C6orf58: variants seen among roughly 807,000 people sequenced by gnomAD.
C6orf58 encodes protein LEG1 homolog.
Under a neutral mutation model 37.0 loss-of-function variants are expected in C6orf58, and 30 were observed. The ratio of observed to expected loss-of-function variants is 0.81; its 90% CI spans 0.61 to 1.10. The LOEUF (loss-of-function observed/expected upper bound fraction) is 1.10, where lower values mean the gene tolerates loss of function less well. Ranked by LOEUF, C6orf58 falls within the 50% of genes least tolerant of loss-of-function variation. The pLI, the probability that C6orf58 is intolerant of heterozygous loss-of-function variation, is 0.00. For synonymous variants in C6orf58, 143 were observed against 134.1 expected (o/e 1.07, Z -0.46); for missense variants, 368 against 387.5 (o/e 0.95, Z 0.42).
At chr6:127,581,423 G>T in intron 4 of C6orf58, 141 bp downstream of exon 4, 1 of 361,372 alleles carries the variant, frequency 2.8e-6, no homozygotes. Flanking sequence ...TTATAGTGAG[G>T]ATGTGTAAAT....
intron 2 of C6orf58, among the ~76,000 whole-genome samples, chr6:127,579,910 T>A (rs1179956808): frequency 6.6e-6 from 1 of 152,104 alleles, no homozygotes; most frequent in Non-Finnish European, 1.5e-5. Flanking sequence ...AAAACCGTAA[T>A]GAGAGGTTTT....
chr6:127,583,174 G>A (rs77099374), intron 4 of C6orf58, among the ~76,000 whole-genome samples: 2,746 of 152,164 alleles, frequency 0.018, 81 homozygotes, highest in African/African-American at 0.06. Context: ...ATTTAAACAG[G>A]CAATCTGAAT....
At chr6:127,586,117 A>G (rs866898029) in intron 4 of C6orf58, among the ~76,000 whole-genome samples, 4 of 152,302 alleles carry the variant, frequency 2.6e-5, no homozygotes, top group Middle Eastern at 3.4e-3. Context: ...TTGTGCCAGT[A>G]ATCTGTAGAC....
intron 3 of C6orf58, among the ~76,000 whole-genome samples, 157 bp from the exon 4 acceptor site, chr6:127,581,025 A>G (rs1422529003): frequency 6.6e-6 from 1 of 152,096 alleles, no homozygotes; most frequent in Non-Finnish European, 1.5e-5. Flanking sequence ...TTATTTAAAG[A>G]GTGTTAGGCA....
At position 127,577,299 on chromosome 6, in the gene C6orf58, T is replaced by A; in HGVS notation, c.114T>A (p.Gly38=). Residue 38 remains glycine (G), a synonymous_variant, in exon 1 of 6, where the codon GGT becomes GGA. Coordinates refer to ENST00000329722, the MANE Select transcript of C6orf58 (RefSeq NM_001010905.3). The stretch of plus-strand genomic sequence containing the variant: ...CCCCTCTGTGGAAGGAGAGTCCTGG[T>A]CAGCTCAGTGACTACAGGGTGGAGA... The part of the protein sequence containing the change: ...TEPPLWKESP[G]QLSDYRVENS... The A allele has an allele frequency of 6.2e-7, 1 of 1,613,654 alleles. No homozygotes were observed. The highest frequency in any genetic ancestry group is 2.2e-5 in the East Asian group (1 of 44,878).
intron 4 of C6orf58, among the ~76,000 whole-genome samples, chr6:127,589,873 TAGTG>T (rs1181234080): frequency 1.3e-5 from 2 of 152,134 alleles, no homozygotes; most frequent in African/African-American, 4.8e-5. Context: ...TGTAAACAAT[TAGTG>T]AGATGATTCT....
At position 127,590,081 on chromosome 6, in the gene C6orf58, T is replaced by G; in HGVS notation, c.675-6T>G. The G allele has an allele frequency of 6.3e-7, 1 of 1,591,660 alleles. No individual in the cohort carries two copies. Among genetic ancestry groups the G allele is most frequent in the South Asian group, 1.1e-5 (1 of 89,816 alleles). On this transcript the variant is annotated splice_polypyrimidine_tract_variant and splice_region_variant and intron_variant, in intron 4 of 5. Transcript: ENST00000329722. ...ATAATTAAATACTTTTCCGTTTGTCTTTTAGATATGATTATTATTCTAAAG... is the reference window on the plus strand; with the variant it reads ...ATAATTAAATACTTTTCCGTTTGTCGTTTAGATATGATTATTATTCTAAAG...
intron 2 of C6orf58, 123 bp from the exon 3 acceptor site, chr6:127,580,142 A>T: frequency 7.8e-6 from 5 of 639,658 alleles, no homozygotes; most frequent in African/African-American, 1.8e-5. Context: ...TTTTTTTCCT[A>T]ATGGTTAGCT....
At chr6:127,589,579 CT>C (rs34062457) in intron 4 of C6orf58, among the ~76,000 whole-genome samples, 1 of 152,054 alleles carries the variant, frequency 6.6e-6, no homozygotes, top group Non-Finnish European at 1.5e-5. Flanking sequence ...ATTACAGAGG[CT>C]TTTTTTCTAC....
chr6:127,580,796 A>T (rs1478557158), intron 3 of C6orf58, among the ~76,000 whole-genome samples: 1 of 152,090 alleles, frequency 6.6e-6, no homozygotes, highest in Admixed American at 6.6e-5. Flanking sequence ...TGAAGAAAAG[A>T]TATATTTACT....
At position 127,577,332 on chromosome 6, in the gene C6orf58, G is replaced by A. The variant is rs1445410812; in HGVS notation, c.147G>A (p.Met49Ile). The change falls in exon 1 of 6, where the codon ATG becomes ATA. Residue 49 changes from methionine (M) to isoleucine (I), a missense_variant. By Grantham distance (10) the Met-to-Ile change is conservative. Coordinates refer to ENST00000329722, the MANE Select transcript of C6orf58 (RefSeq NM_001010905.3). ...GTGACTACAGGGTGGAGAACAGCAT[G>A]TACATTATTAATCCCTGGGTATACC... ...QLSDYRVENS[M>I]YIINPWVYLE... 3.0e-5 allele frequency: 49 copies of A among 1,613,526 alleles called. No homozygotes were observed. Among genetic ancestry groups the A allele is most frequent in the Non-Finnish European group, 3.9e-5 (46 of 1,179,646 alleles).
chr6:127,587,507 C>A (rs965322638), intron 4 of C6orf58, among the ~76,000 whole-genome samples: 1 of 152,052 alleles, frequency 6.6e-6, no homozygotes, highest in Non-Finnish European at 1.5e-5. Flanking sequence ...TTTCAAATAC[C>A]TGCTTATGTG....
At chr6:127,583,708 A>G (rs1775074117) in intron 4 of C6orf58, among the ~76,000 whole-genome samples, 1 of 152,176 alleles carries the variant, frequency 6.6e-6, no homozygotes, top group Non-Finnish European at 1.5e-5. Context: ...CGTTTCCAAA[A>G]GAACTGATCT....
intron 5 of C6orf58, 147 bp downstream of exon 5, chr6:127,590,472 T>C (rs1156438543): frequency 1.5e-5 from 9 of 619,558 alleles, no homozygotes; most frequent in Non-Finnish European, 2.5e-5. Context: ...TCTTTAGCAA[T>C]AATCACTCTT....
chr6:127,582,680 C>T (rs915510686), intron 4 of C6orf58, among the ~76,000 whole-genome samples: 1 of 152,120 alleles, frequency 6.6e-6, no homozygotes, highest in African/African-American at 2.4e-5. Flanking sequence ...GAATTTTTTA[C>T]CCAACAATAC....
intron 5 of C6orf58, among the ~76,000 whole-genome samples, chr6:127,591,016 T>C (rs34577123): frequency 0.3 from 44,994 of 151,930 alleles, 7,222 homozygotes; most frequent in East Asian, 0.62. Context: ...AAAAAAAACC[T>C]CTGCATCAGT....
intron 4 of C6orf58, among the ~76,000 whole-genome samples, chr6:127,584,500 T>A (rs1292628938): frequency 6.6e-6 from 1 of 152,160 alleles, no homozygotes; most frequent in Non-Finnish European, 1.5e-5. Context: ...TATATTTTTT[T>A]AAATGTCAGT....
Position 127,580,257 on chromosome 6 carries a change from T to A in C6orf58, c.389-8T>A, listed in dbSNP as rs755959339. 6.2e-7 allele frequency: 1 copy of A among 1,600,980 alleles called. No homozygotes were observed. The highest frequency in any genetic ancestry group is 1.1e-5 in the South Asian group (1 of 89,946). On this transcript the variant is annotated splice_polypyrimidine_tract_variant and splice_region_variant and intron_variant, in intron 2 of 5. Coordinates refer to ENST00000329722, the MANE Select transcript of C6orf58 (RefSeq NM_001010905.3). ...CTTGTAGTAATAGTAAATCTTTTGTTCTTACAGATTTGAATTATTTTCTGT... is the reference window on the plus strand; with the variant it reads ...CTTGTAGTAATAGTAAATCTTTTGTACTTACAGATTTGAATTATTTTCTGT...
At chr6:127,591,450 G>T (rs1038748460) in intron 5 of C6orf58, 93 bp from the exon 6 acceptor site, 1 of 1,099,460 alleles carries the variant, frequency 9.1e-7, no homozygotes, top group East Asian at 3.3e-5. Flanking sequence ...TTAGTAGAAA[G>T]GAAATGAAAT....
Sources: allele counts gnomAD v4.1 joint callset (sites outside exome capture counted in the v4.1 genomes callset), GRCh38; gene constraint gnomAD v4.1.1; transcripts MANE v1.5; gene names NCBI Gene and HGNC (gene_info 2026-07-23, HGNC 2026-07-21).